KCTD8: variants seen among roughly 807,000 people sequenced by gnomAD.
KCTD8 encodes the protein BTB/POZ domain-containing protein KCTD8.
Under a neutral mutation model 31.5 loss-of-function variants are expected in KCTD8, and 27 were observed. That is an observed-to-expected ratio of 0.86 (90% CI 0.63 to 1.18). KCTD8 has a LOEUF of 1.18. Among genes scored for constraint, KCTD8 ranks in the 50% most tolerant of loss-of-function variants. The pLI is 0.00. For synonymous variants in KCTD8, 290 were observed against 280.0 expected (o/e 1.04, Z -0.36); for missense variants, 658 against 647.7 (o/e 1.02, Z -0.17).
At chr4:44,352,375 A>C in intron 1 of KCTD8, among the ~76,000 whole-genome samples, 1 of 150,410 alleles carries the variant, frequency 6.6e-6, no homozygotes, top group Non-Finnish European at 1.5e-5. Context: ...AAATTTAGTA[A>C]AAGGAAAGAC....
intron 1 of KCTD8, among the ~76,000 whole-genome samples, chr4:44,203,613 T>C (rs1046248491): frequency 2.0e-5 from 3 of 150,004 alleles, no homozygotes; most frequent in African/African-American, 4.9e-5. Context: ...GAGCTTAATA[T>C]GAAAGAAAGG....
intron 1 of KCTD8, among the ~76,000 whole-genome samples, chr4:44,217,681 G>A (rs1263771549): frequency 2.0e-5 from 3 of 152,186 alleles, no homozygotes; most frequent in Non-Finnish European, 4.4e-5. Context: ...GGCAGAAGAA[G>A]GTGGGATAAG....
At chr4:44,382,347 A>G (rs1720085901) in intron 1 of KCTD8, among the ~76,000 whole-genome samples, 1 of 152,098 alleles carries the variant, frequency 6.6e-6, no homozygotes, top group South Asian at 2.1e-4. Context: ...GAAGGAGCAT[A>G]CATCAATACA....
rs1713127698 is a variant in KCTD8 at position 44,174,211 on chromosome 4, T to C, written c.*579A>G. On this transcript the variant is annotated 3_prime_UTR_variant, in exon 2 of 2. Transcript: ENST00000360029. ...CTAGACAGCTTACATTTATAGGCTT[T>C]GTCTAAAACATTTTTTTTTGCTTTT... The C allele has an allele frequency of 1.3e-5, 2 of 152,294 alleles. No homozygotes were observed. The highest frequency in any genetic ancestry group is 2.9e-5 in the Non-Finnish European group (2 of 68,046). 9.4% of individuals were successfully genotyped at this position (152,294 alleles called of 1,614,324 possible).
At chr4:44,355,651 C>A (rs1394866971) in intron 1 of KCTD8, among the ~76,000 whole-genome samples, 1 of 152,132 alleles carries the variant, frequency 6.6e-6, no homozygotes, top group African/African-American at 2.4e-5. Flanking sequence ...TCTGTTTTGA[C>A]AGCTAGGGTT....
intron 1 of KCTD8, among the ~76,000 whole-genome samples, chr4:44,263,821 C>T (rs530734647): frequency 1.3e-5 from 2 of 152,140 alleles, no homozygotes; most frequent in African/African-American, 4.8e-5. Flanking sequence ...TTCAAATATC[C>T]AAAGGCAGCT....
At chr4:44,200,288 G>T (rs1375988490) in intron 1 of KCTD8, among the ~76,000 whole-genome samples, 5 of 151,222 alleles carry the variant, frequency 3.3e-5, no homozygotes, top group Non-Finnish European at 7.4e-5. Flanking sequence ...AGAAGGAGGG[G>T]CTCCTCCCTA....
At chr4:44,298,569 C>A (rs1717512980) in intron 1 of KCTD8, among the ~76,000 whole-genome samples, 1 of 152,158 alleles carries the variant, frequency 6.6e-6, no homozygotes, top group African/African-American at 2.4e-5. Context: ...GAAGAGCTGA[C>A]AGCTCCCCAG....
At chr4:44,181,656 C>T (rs867603377) in intron 1 of KCTD8, among the ~76,000 whole-genome samples, 1 of 152,200 alleles carries the variant, frequency 6.6e-6, no homozygotes, top group Non-Finnish European at 1.5e-5. Flanking sequence ...GCAGCCTCTG[C>T]CCCGGCCGCC....
intron 1 of KCTD8, among the ~76,000 whole-genome samples, chr4:44,244,177 A>G (rs1279867922): frequency 6.6e-6 from 1 of 152,230 alleles, no homozygotes; most frequent in Non-Finnish European, 1.5e-5. Flanking sequence ...ATCAAACTGC[A>G]CACATTCTGT....
At position 44,448,038 on chromosome 4, in the gene KCTD8, C is replaced by G. The variant is rs1468784596; in HGVS notation, c.486G>C (p.Gln162His). The G allele has an allele frequency of 1.9e-6, 3 of 1,609,756 alleles. No homozygotes were observed. In the African/African-American group the frequency reaches 4.0e-5, roughly 22 times the overall value. Residue 162 changes from glutamine to histidine, a missense_variant, in exon 1 of 2, where the codon CAG (glutamine) becomes CAC (histidine). Transcript: ENST00000360029. The surrounding 1 kb of genome is among the most constrained non-coding windows in gnomAD (Gnocchi z 4.1). ...GCGAGACGTTGTCCTCCAGGTCGCT[C>G]TGGCAGCCCTCGTCGTTGAGAGAGT... ...KQNSLNDEGCQSDLEDNVSQG... is the reference protein window; with the variant it reads ...KQNSLNDEGCHSDLEDNVSQG...
chr4:44,419,773 C>T (rs1054882691), intron 1 of KCTD8, among the ~76,000 whole-genome samples: 4 of 151,732 alleles, frequency 2.6e-5, no homozygotes, highest in African/African-American at 9.7e-5. Flanking sequence ...ATGGGCGCAG[C>T]AAATCAACAT....
intron 1 of KCTD8, among the ~76,000 whole-genome samples, chr4:44,447,122 C>T (rs1721961758): frequency 6.6e-6 from 1 of 152,208 alleles, no homozygotes; most frequent in Non-Finnish European, 1.5e-5. Flanking sequence ...GTTATGGCAT[C>T]CTGCCCTCTG....
rs886970481 is a variant in KCTD8 at position 44,396,626 on chromosome 4, G to C, written c.961+50937C>G. On this transcript the variant is annotated intron_variant, in intron 1 of 1. Transcript: ENST00000360029. ...CACACAAAACACAAAACAATGAGCT[G>C]ATTAACATCTAAGAAAAAAATCAGG... Among the ~76,000 whole-genome samples, 2 of 151,952 alleles carry C rather than the reference G, an allele frequency of 1.3e-5. 1 individual carries two copies. Among genetic ancestry groups the C allele is most frequent in the Non-Finnish European group, 2.9e-5 (2 of 67,988 alleles).
intron 1 of KCTD8, among the ~76,000 whole-genome samples, chr4:44,236,310 G>C (rs1715289974): frequency 6.6e-6 from 1 of 152,206 alleles, no homozygotes; most frequent in African/African-American, 2.4e-5. Flanking sequence ...GCCTTCTAGA[G>C]GCTGGAAGAA....
intron 1 of KCTD8, among the ~76,000 whole-genome samples, chr4:44,429,943 T>C (rs1247416892): frequency 6.6e-6 from 1 of 151,614 alleles, no homozygotes; most frequent in Non-Finnish European, 1.5e-5. Context: ...ATTAATAAAT[T>C]GCAATGGCTT....
At chr4:44,177,554 G>T (rs1417773139) in intron 1 of KCTD8, among the ~76,000 whole-genome samples, 1 of 152,166 alleles carries the variant, frequency 6.6e-6, no homozygotes, top group African/African-American at 2.4e-5. Flanking sequence ...GGTCTTTCTT[G>T]TGCTGTTCTC....
chr4:44,264,663 A>T (rs1716283091), intron 1 of KCTD8, among the ~76,000 whole-genome samples: 1 of 152,122 alleles, frequency 6.6e-6, no homozygotes. Context: ...GGCACCTGGA[A>T]AATCGGGTCA....
chr4:44,268,541 C>T (rs1377464243), intron 1 of KCTD8, among the ~76,000 whole-genome samples: 1 of 152,044 alleles, frequency 6.6e-6, no homozygotes, highest in African/African-American at 2.4e-5. Context: ...AAGTTCTGGC[C>T]AGGGCAATTA....
Sources: gnomAD v4.1 joint callset for allele counts (sites outside exome capture counted in the v4.1 genomes callset) on GRCh38, gnomAD v4.1.1 for gene constraint, Gnocchi (gnomAD v3.1) non-coding constraint, MANE v1.5 for transcripts, NCBI Gene and HGNC (gene_info 2026-07-23, HGNC 2026-07-21) for gene names.